The following C11orf65 variants were observed in gnomAD, a reference collection of about 807,000 sequenced individuals.
C11orf65 encodes chromosome 11 open reading frame 65, also known as protein MFI.
Under a neutral mutation model 35.3 loss-of-function variants are expected in C11orf65, and 38 were observed. The ratio of observed to expected loss-of-function variants is 1.08; its 90% CI spans 0.83 to 1.41. The LOEUF (loss-of-function observed/expected upper bound fraction) is 1.41, where lower values mean the gene tolerates loss of function less well. Ranked by LOEUF, C11orf65 falls within the 40% of genes most tolerant of loss-of-function variation. The pLI, the probability that C11orf65 is intolerant of heterozygous loss-of-function variation, is 0.00. For synonymous variants in C11orf65, 105 were observed against 114.4 expected (o/e 0.92, Z 0.53); for missense variants, 370 against 367.1 (o/e 1.01, Z -0.06).
At chr11:108,354,550 C>A (rs1052940092) in intron 2 of C11orf65, among the ~76,000 whole-genome samples, 6 of 152,192 alleles carry the variant, frequency 3.9e-5, no homozygotes, top group African/African-American at 7.2e-5. Context: ...GAGAGCTGAG[C>A]CCAGTGGTGC....
chr11:108,458,800 C>T (rs1489113705), intron 2 of C11orf65, among the ~76,000 whole-genome samples: 3 of 152,098 alleles, frequency 2.0e-5, no homozygotes, highest in Admixed American at 6.6e-5. Flanking sequence ...TCCACATTCC[C>T]GTCACAGCCA....
chr11:108,424,726 A>G (rs1327976378), intron 3 of C11orf65, among the ~76,000 whole-genome samples: 1 of 152,216 alleles, frequency 6.6e-6, no homozygotes, highest in African/African-American at 2.4e-5. Context: ...TCAACATCAC[A>G]TCGCACTTAT....
At chr11:108,443,770 A>G (rs1013554514) in intron 2 of C11orf65, among the ~76,000 whole-genome samples, 1 of 152,286 alleles carries the variant, frequency 6.6e-6, no homozygotes, top group East Asian at 1.9e-4. Context: ...TTTGAAACCA[A>G]CCAGAACAAA....
intron 2 of C11orf65, among the ~76,000 whole-genome samples, chr11:108,351,621 T>C (rs1389336232): frequency 6.6e-6 from 1 of 152,196 alleles, no homozygotes; most frequent in Non-Finnish European, 1.5e-5. Context: ...AGCACTCCCA[T>C]GTGGCCTCTC....
intron 2 of C11orf65, among the ~76,000 whole-genome samples, chr11:108,354,058 TACACACACACAAAC>T (rs1237894417): frequency 5.5e-4 from 37 of 67,056 alleles, no homozygotes; most frequent in South Asian, 2.7e-3. Flanking sequence ...TCTAAAAAAA[TACACACACACAAAC>T]ACACACACAC....
chr11:108,360,357 T>G (rs1327505470), intron 2 of C11orf65, among the ~76,000 whole-genome samples: 1 of 151,490 alleles, frequency 6.6e-6, no homozygotes, highest in Non-Finnish European at 1.5e-5. Context: ...AGCTGAATTC[T>G]ACCAGAGGTA....
chr11:108,358,863 G>A (rs1244284), intron 2 of C11orf65, among the ~76,000 whole-genome samples: 3,507 of 151,326 alleles, frequency 0.023, 99 homozygotes, highest in African/African-American at 0.073. Flanking sequence ...AAAGACCATC[G>A]AGACTAGGAA....
chr11:108,437,941 T>C (rs748217570), intron 2 of C11orf65, among the ~76,000 whole-genome samples: 1 of 151,868 alleles, frequency 6.6e-6, no homozygotes, highest in Admixed American at 6.6e-5. Context: ...CAAACAGTCT[T>C]GAAAAAGAAT....
At chr11:108,410,448 G>A (rs1414538657) in intron 3 of C11orf65, among the ~76,000 whole-genome samples, 1 of 152,134 alleles carries the variant, frequency 6.6e-6, no homozygotes, top group African/African-American at 2.4e-5. Flanking sequence ...CAACCTCCCT[G>A]ACTCAACTGA....
intron 7 of C11orf65, among the ~76,000 whole-genome samples, chr11:108,386,309 A>C (rs1048906154): frequency 1.3e-5 from 2 of 152,224 alleles, no homozygotes. Flanking sequence ...TTAGTTAATA[A>C]CATCCAAATT....
chr11:108,456,309 T>A (rs532582096), intron 2 of C11orf65, among the ~76,000 whole-genome samples: 3 of 152,216 alleles, frequency 2.0e-5, no homozygotes, highest in African/African-American at 7.2e-5. Flanking sequence ...CAGTTGGATA[T>A]CCATAAGAAA....
intron 3 of C11orf65, chr11:108,334,002 CTA>C (rs754906809): frequency 1.3e-6 from 2 of 1,527,544 alleles, no homozygotes; most frequent in African/African-American, 1.4e-5. Context: ...TTTTTTTAAA[CTA>C]AATTTTTTTT....
intron 2 of C11orf65, among the ~76,000 whole-genome samples, chr11:108,440,203 T>C (rs1196163923): frequency 6.6e-6 from 1 of 152,212 alleles, no homozygotes; most frequent in African/African-American, 2.4e-5. Flanking sequence ...AACTTTGCCC[T>C]TTCTAGCTTA....
intron 3 of C11orf65, among the ~76,000 whole-genome samples, chr11:108,417,570 A>C (rs201761063): frequency 0.025 from 3,770 of 151,852 alleles, 112 homozygotes; most frequent in African/African-American, 0.073. Context: ...CAAACAAACA[A>C]AAAAAAACCT....
intron 7 of C11orf65, among the ~76,000 whole-genome samples, chr11:108,391,459 A>G (rs2092158819): frequency 6.6e-6 from 1 of 152,148 alleles, no homozygotes; most frequent in African/African-American, 2.4e-5. Context: ...AGCTCACTGC[A>G]ACCTCCACTT....
chr11:108,353,725 A>C, intron 2 of C11orf65: 1 of 1,465,360 alleles, frequency 6.8e-7, no homozygotes, highest in Non-Finnish European at 9.6e-7. Context: ...AAAGTAAATT[A>C]GCTGTCAAAC....
chr11:108,438,813 C>A (rs1350967886), intron 2 of C11orf65, among the ~76,000 whole-genome samples: 1 of 152,084 alleles, frequency 6.6e-6, no homozygotes, highest in Non-Finnish European at 1.5e-5. Flanking sequence ...TGAGACCAGT[C>A]TGGCCAACAC....
chr11:108,407,485 ATT>A (rs375638984), intron 3 of C11orf65, among the ~76,000 whole-genome samples: 3 of 137,092 alleles, frequency 2.2e-5, no homozygotes, highest in Non-Finnish European at 1.6e-5. Context: ...CTAATTTTGT[ATT>A]TTTTTTTTTT....
chr11:108,402,036 G>A (rs907237801), intron 6 of C11orf65, among the ~76,000 whole-genome samples: 1 of 152,202 alleles, frequency 6.6e-6, no homozygotes, highest in Non-Finnish European at 1.5e-5. Flanking sequence ...ATGTAGATTA[G>A]TAATTTCTTG....
Sources: allele counts gnomAD v4.1 joint callset (sites outside exome capture counted in the v4.1 genomes callset), GRCh38; gene constraint gnomAD v4.1.1; transcripts MANE v1.5; gene names NCBI Gene and HGNC (gene_info 2026-07-23, HGNC 2026-07-21).